Variants in ZNF236 observed in about 807,000 individuals in gnomAD.
ZNF236 encodes the protein regulated by glucose.
ZNF236 carries 50 observed loss-of-function variants against 191.2 expected under a neutral mutation model. The observed-to-expected ratio is 0.26, with a 90% confidence interval of 0.21 to 0.33. ZNF236 has a LOEUF of 0.33. Ranked by LOEUF, ZNF236 falls within the 10% of genes least tolerant of loss-of-function variation. The pLI is 1.00. For synonymous variants in ZNF236, 907 were observed against 928.8 expected (o/e 0.98, Z 0.43); for missense variants, 1,754 against 2,374.5 (o/e 0.74, Z 5.43).
chr18:76,876,969 C>T (rs1976734980), intron 6 of ZNF236, among the ~76,000 whole-genome samples: 1 of 152,112 alleles, frequency 6.6e-6, no homozygotes, highest in African/African-American at 2.4e-5. Context: ...AAGATTGGTT[C>T]ATAAATATTA....
intron 28 of ZNF236, 44 bp from the exon 29 acceptor site, chr18:76,959,643 G>A (rs1968611680): frequency 1.9e-6 from 3 of 1,562,476 alleles, no homozygotes; most frequent in Non-Finnish European, 2.6e-6. Flanking sequence ...AGTCTCGAAA[G>A]CTGTTTTGAT....
chr18:76,920,105 G>A (rs1258512864), intron 20 of ZNF236, 47 bp downstream of exon 20: 3 of 1,567,704 alleles, frequency 1.9e-6, no homozygotes, highest in Non-Finnish European at 2.6e-6. Context: ...AAGACTGGAG[G>A]TGCAGGCAGC....
intron 30 of ZNF236, among the ~76,000 whole-genome samples, chr18:76,962,668 A>G (rs112638055): frequency 0.02 from 3,067 of 152,276 alleles, 110 homozygotes; most frequent in African/African-American, 0.069. Context: ...TTTTCACAAT[A>G]TTGATTCTAC....
intron 19 of ZNF236, among the ~76,000 whole-genome samples, chr18:76,918,854 T>G (rs1568229831): frequency 6.6e-6 from 1 of 152,158 alleles, no homozygotes; most frequent in Non-Finnish European, 1.5e-5. Context: ...TGCACCTAGT[T>G]GTAAATAGCC....
chr18:76,960,583 G>C lies in ZNF236; in HGVS notation c.5243-96G>C, dbSNP rs1968642999. ...CAGGCTGAAAGCCTAAAAGAAAAGAGGAACATTCAGTCCCTCTTGTTCATA... is the reference window on the plus strand; with the variant it reads ...CAGGCTGAAAGCCTAAAAGAAAAGACGAACATTCAGTCCCTCTTGTTCATA... On this transcript the variant is annotated intron_variant, in intron 29 of 30. Coordinates refer to ENST00000320610, the MANE Select transcript of ZNF236 (RefSeq NM_001306089.2). This position sits in a 1 kb window ranked among gnomAD's most constrained non-coding sequence, Gnocchi z 4.4. 1 of 1,446,386 alleles carries C rather than the reference G, an allele frequency of 6.9e-7. No homozygotes were observed. The highest frequency in any genetic ancestry group is 1.8e-5 in the Admixed American group (1 of 54,970). The allele number at this position is 1,446,386 out of a possible 1,614,324, so 89.6% of individuals were successfully genotyped here. A position where few individuals can be genotyped will look rare whatever the true frequency, so the allele number is the denominator to read the frequency against.
At chr18:76,862,702 G>A (rs142909500) in intron 3 of ZNF236, among the ~76,000 whole-genome samples, 66 of 152,338 alleles carry the variant, frequency 4.3e-4, no homozygotes, top group Non-Finnish European at 8.8e-4. Flanking sequence ...AGTCTGCACT[G>A]TGCTTTCCTC....
In ZNF236 at chr18:76,908,963, C is replaced by CTGTG. The variant is rs10524379; in HGVS notation, c.2551+430_2551+433dup. On this transcript the variant is annotated intron_variant, in intron 14 of 30. Coordinates refer to ENST00000320610, the MANE Select transcript of ZNF236 (RefSeq NM_001306089.2). ...CAGGGGTGTGTGTGTATGTGTGTGT[C>CTGTG]TGTGTGTGTGTGTGTGTGTGTGTGT... Among the ~76,000 whole-genome samples, 383 of 147,218 alleles carry CTGTG rather than the reference C, an allele frequency of 2.6e-3. 2 individuals are homozygous for CTGTG. Among genetic ancestry groups the CTGTG allele is most frequent in the African/African-American group, 7.7e-3 (303 of 39,494 alleles).
intron 25 of ZNF236, 92 bp downstream of exon 25, chr18:76,928,198 A>G (rs1967758686): frequency 4.0e-6 from 4 of 1,006,040 alleles, no homozygotes; most frequent in Admixed American, 3.6e-5. Flanking sequence ...TCTGCTGTGC[A>G]TAAAGCCCGT....
intron 4 of ZNF236, among the ~76,000 whole-genome samples, chr18:76,869,080 A>G (rs1295273770): frequency 6.6e-6 from 1 of 152,250 alleles, no homozygotes; most frequent in Admixed American, 6.5e-5. Flanking sequence ...TTTACCTAGT[A>G]TTATAATGTT....
chr18:76,913,861 C>T lies in ZNF236; in HGVS notation c.3024C>T (p.Ser1008=). 1 of 1,614,232 alleles carries T rather than the reference C, an allele frequency of 6.2e-7. No individual in the cohort carries two copies. ...KCKLCGRGFV[S]SGVLKSHEKT... is the part of the protein sequence containing the mutation. The stretch of plus-strand genomic sequence containing the variant: ...AGCTCTGTGGACGCGGCTTTGTTTC[C>T]TCTGGGGTCCTCAAGTCCCACGAGA... Residue 1008 remains serine (S), a synonymous_variant, in exon 18 of 31, where the codon TCC becomes TCT. Coordinates refer to ENST00000320610, the MANE Select transcript of ZNF236 (RefSeq NM_001306089.2).
At chr18:76,850,845 C>T (rs1473845828) in intron 2 of ZNF236, among the ~76,000 whole-genome samples, 1 of 151,766 alleles carries the variant, frequency 6.6e-6, no homozygotes, top group East Asian at 2.0e-4. Context: ...TCAGGGTGAT[C>T]CGCCTGCCTC....
intron 3 of ZNF236, among the ~76,000 whole-genome samples, chr18:76,853,025 C>T (rs998879016): frequency 2.0e-5 from 3 of 152,010 alleles, no homozygotes; most frequent in Non-Finnish European, 4.4e-5. Flanking sequence ...CATTGTAAAT[C>T]AGGGAGCACC....
At chr18:76,909,318 C>CCA (rs1967152320) in intron 14 of ZNF236, among the ~76,000 whole-genome samples, 1 of 119,466 alleles carries the variant, frequency 8.4e-6, no homozygotes, top group Admixed American at 9.0e-5. Flanking sequence ...GACTCTGTCT[C>CCA]AAAAAAAAAA....
chr18:76,959,785 C>A lies in ZNF236; in HGVS notation c.5211C>A (p.Ser1737Arg). The change falls in exon 29 of 31, where the codon AGC becomes AGA. Residue 1737 changes from serine to arginine, a missense_variant. By Grantham distance (110) the Ser-to-Arg change is moderately radical. Around this residue, in one of 5 missense-constraint regions of ZNF236, gnomAD observed 606 missense variants for 761.5 expected, o/e 0.80. Coordinates refer to ENST00000320610, the MANE Select transcript of ZNF236 (RefSeq NM_001306089.2). ...GTGAGAAGGCATTTGCCAAACCAAGCCAGCTGGAGCGCCACAGCCGCATAC... is the reference window on the plus strand; with the variant it reads ...GTGAGAAGGCATTTGCCAAACCAAGACAGCTGGAGCGCCACAGCCGCATAC... ...DTCEKAFAKP[S>R]QLERHSRIHT... 6.2e-7 allele frequency: 1 copy of A among 1,614,046 alleles called. No homozygotes were observed. Among genetic ancestry groups the A allele is most frequent in the Non-Finnish European group, 8.5e-7 (1 of 1,179,988 alleles).
At chr18:76,838,796 A>C (rs56231100) in intron 1 of ZNF236, among the ~76,000 whole-genome samples, 30,569 of 152,176 alleles carry the variant, frequency 0.2, 3,529 homozygotes, top group Middle Eastern at 0.29. Context: ...AATTTTTCTC[A>C]AAGAGAACTC....
intron 1 of ZNF236, among the ~76,000 whole-genome samples, chr18:76,840,337 A>G (rs945634981): frequency 5.3e-5 from 8 of 152,148 alleles, no homozygotes; most frequent in Admixed American, 3.9e-4. Flanking sequence ...TCTACTAAAA[A>G]TACAAAATTA....
chr18:76,824,164 G>C (rs936268880), intron 1 of ZNF236: 1 of 611,430 alleles, frequency 1.6e-6, no homozygotes, highest in Non-Finnish European at 3.0e-6. Context: ...GGTCGGGCCT[G>C]GAAACTACAA....
intron 26 of ZNF236, among the ~76,000 whole-genome samples, chr18:76,940,387 G>A (rs187696701): frequency 6.6e-6 from 1 of 151,952 alleles, no homozygotes; most frequent in East Asian, 1.9e-4. Context: ...AACACGGTGG[G>A]CGACCCTAGC....
intron 3 of ZNF236, among the ~76,000 whole-genome samples, chr18:76,866,872 G>A (rs1221178856): frequency 6.6e-6 from 1 of 152,130 alleles, no homozygotes; most frequent in Non-Finnish European, 1.5e-5. Flanking sequence ...AGGAGAGAAA[G>A]CAGAAAGACA....
Sources: allele counts gnomAD v4.1 joint callset (sites outside exome capture counted in the v4.1 genomes callset), GRCh38; gene constraint gnomAD v4.1.1; regional missense constraint gnomAD v4.1.1; non-coding constraint Gnocchi (gnomAD v3.1); transcripts MANE v1.5; gene names NCBI Gene and HGNC (gene_info 2026-07-23, HGNC 2026-07-21).